The following LRRC58 variants were observed in gnomAD, a reference collection of about 807,000 sequenced individuals.
LRRC58 encodes the protein leucine rich repeat containing 58.
A neutral mutation model predicts 30.6 loss-of-function variants in LRRC58; 18 were observed. That is an observed-to-expected ratio of 0.59 (90% CI 0.41 to 0.87). LRRC58 has a LOEUF of 0.87. Among genes scored for constraint, LRRC58 ranks in the 40% least tolerant of loss-of-function variants. The pLI is 0.00. For missense variants in LRRC58, 420 were observed against 468.4 expected, an observed-to-expected ratio of 0.90 and a Z score of 0.95; for synonymous variants, 221 against 206.0, an observed-to-expected ratio of 1.07 and a Z score of -0.62.
chr3:120,346,571 T>C (rs1270792080), intron 1 of LRRC58, among the ~76,000 whole-genome samples: 1 of 152,168 alleles, frequency 6.6e-6, no homozygotes, highest in Non-Finnish European at 1.5e-5. Flanking sequence ...ATAAATGGGA[T>C]TTTTGCCTAC....
intron 1 of LRRC58, among the ~76,000 whole-genome samples, chr3:120,341,671 TTCC>T (rs1935906224): frequency 6.6e-6 from 1 of 152,164 alleles, no homozygotes; most frequent in South Asian, 2.1e-4. Context: ...GGCAACTTGC[TTCC>T]TCTCTCCATC....
intron 1 of LRRC58, among the ~76,000 whole-genome samples, chr3:120,347,379 C>CTTTTTTTTTTTTTT (rs796116731): frequency 0.029 from 1,577 of 54,792 alleles, 344 homozygotes; most frequent in East Asian, 0.13. Context: ...GGCCAATATT[C>CTTTTTTTTTTTTTT]TTTTTTTTTT....
chr3:120,325,503 G>GTTGTT lies in LRRC58; in HGVS notation c.*5696_*5697insAACAA. 6.6e-6 allele frequency: 1 copy of GTTGTT among 152,134 alleles called. No individual in the cohort carries two copies. The highest frequency in any genetic ancestry group is 1.5e-5 in the Non-Finnish European group (1 of 68,020). The allele number at this position is 152,134 out of a possible 1,614,324, so 9.4% of individuals were successfully genotyped here. ...ATCCTTTACAACAACTATTGAGAAA[G>GTTGTT]ACTAATGTTAGGTAAAAGTCTAGTA... On this transcript the variant is annotated 3_prime_UTR_variant, in exon 4 of 4. Transcript: ENST00000295628.
At chr3:120,341,661 G>A (rs1192605837) in intron 1 of LRRC58, among the ~76,000 whole-genome samples, 1 of 152,160 alleles carries the variant, frequency 6.6e-6, no homozygotes, top group Non-Finnish European at 1.5e-5. Flanking sequence ...GGATTCCCAA[G>A]GCAACTTGCT....
At chr3:120,334,803 C>T in intron 3 of LRRC58, 59 bp downstream of exon 3, 1 of 1,412,502 alleles carries the variant, frequency 7.1e-7, no homozygotes, top group Non-Finnish European at 9.6e-7. Context: ...TGAAAGAAGA[C>T]TTAATTAATT....
In LRRC58 at chr3:120,334,059, G is replaced by T. The variant is rs115883560; in HGVS notation, c.907+803C>A. On this transcript the variant is annotated intron_variant, in intron 3 of 3. Transcript: ENST00000295628. ...ATCATTTGCATAATTCTCTTCAAAT[G>T]CTCTAAACTCAAGACATTTTGAACC... 4.2e-3 allele frequency among the ~76,000 whole-genome samples: 645 copies of T among 152,200 alleles called. 4 individuals carry two copies. The highest frequency in any genetic ancestry group is 7.6e-3 in the Non-Finnish European group (520 of 68,020).
At chr3:120,332,652 T>C (rs1366917637) in intron 3 of LRRC58, among the ~76,000 whole-genome samples, 1 of 152,216 alleles carries the variant, frequency 6.6e-6, no homozygotes, top group Non-Finnish European at 1.5e-5. Flanking sequence ...TCTGAGAATA[T>C]AAAAGTACTT....
intron 3 of LRRC58, among the ~76,000 whole-genome samples, chr3:120,331,829 G>T (rs965574799): frequency 6.6e-6 from 1 of 152,066 alleles, no homozygotes; most frequent in Non-Finnish European, 1.5e-5. Flanking sequence ...ATTAGTATAC[G>T]AAAAATTTTC....
At position 120,335,094 on chromosome 3, in the gene LRRC58, T is replaced by C; in HGVS notation, c.675A>G (p.Thr225=). ...GGTTGAGGATCTCTCGAGGCAGATATGTCAGCAAGTTATTGTGAAGACTTA... is the reference window on the plus strand; with the variant it reads ...GGTTGAGGATCTCTCGAGGCAGATACGTCAGCAAGTTATTGTGAAGACTTA... ...RSLSLHNNLL[T]YLPREILNLI... is the part of the protein sequence containing the mutation. The change falls in exon 3 of 4, where the codon ACA becomes ACG. Residue 225 remains threonine, a synonymous_variant. Coordinates refer to ENST00000295628, the MANE Select transcript of LRRC58 (RefSeq NM_001099678.2). 2 of 1,613,922 alleles carry C rather than the reference T, an allele frequency of 1.2e-6. No homozygotes were observed. The highest frequency in any genetic ancestry group is 1.7e-6 in the Non-Finnish European group (2 of 1,179,828).
At chr3:120,335,503 T>C (rs1310739685) in intron 2 of LRRC58, among the ~76,000 whole-genome samples, 1 of 152,226 alleles carries the variant, frequency 6.6e-6, no homozygotes, top group African/African-American at 2.4e-5. Flanking sequence ...CTTCATATTA[T>C]AAAGCCTAAT....
intron 3 of LRRC58, among the ~76,000 whole-genome samples, chr3:120,333,083 C>T (rs1452662407): frequency 7.3e-6 from 1 of 137,646 alleles, no homozygotes; most frequent in African/African-American, 2.8e-5. Flanking sequence ...TACAGCGAGA[C>T]TCCGTCTCAA....
In LRRC58 at chr3:120,338,887, A is replaced by G. The variant is rs548535305; in HGVS notation, c.501-2934T>C. On this transcript the variant is annotated intron_variant, in intron 1 of 3. Coordinates refer to ENST00000295628, the MANE Select transcript of LRRC58 (RefSeq NM_001099678.2). ...CTATTGAGTGGCAAACAACTGGAGA[A>G]GTGGTTAGGGGAGCACTGTGGGCAG... is the stretch of plus-strand genomic sequence containing the variant. Among the ~76,000 whole-genome samples the G allele has an allele frequency of 5.3e-5, 8 of 152,342 alleles. No homozygotes were observed. The South Asian group carries it at 1.7e-3, about 32-fold the overall frequency.
intron 3 of LRRC58, 88 bp downstream of exon 3, chr3:120,334,774 A>AAC: frequency 8.1e-7 from 1 of 1,230,262 alleles, no homozygotes; most frequent in Non-Finnish European, 1.1e-6. Flanking sequence ...AGGGAACAGA[A>AAC]ACAGAGACTG....
At chr3:120,336,032 C>G (rs59021384) in intron 1 of LRRC58, 79 bp from the exon 2 acceptor site, 1 of 987,818 alleles carries the variant, frequency 1.0e-6, no homozygotes, top group South Asian at 1.6e-5. Context: ...ACAAAAAACA[C>G]GTTTCATCTA....
At position 120,337,906 on chromosome 3, in the gene LRRC58, T is replaced by G. The variant is rs572886888; in HGVS notation, c.501-1953A>C. Among the ~76,000 whole-genome samples, 23 of 152,226 alleles carry G rather than the reference T, an allele frequency of 1.5e-4. No individual in the cohort carries two copies. The East Asian group carries it at 4.4e-3, about 29-fold the overall frequency. On this transcript the variant is annotated intron_variant, in intron 1 of 3. Transcript: ENST00000295628. Reference sequence around the variant, plus strand: ...CAGGCTGGAGTGCACTGGCATGATCTCGGCTCACTGCAACCTCTGCCTCAC... The same window carrying G: ...CAGGCTGGAGTGCACTGGCATGATCGCGGCTCACTGCAACCTCTGCCTCAC...
rs1935682586 is a variant in LRRC58 at position 120,326,887 on chromosome 3, A to C, written c.*4313T>G. The C allele has an allele frequency of 6.6e-6, 1 of 152,202 alleles. No homozygotes were observed. The highest frequency in any genetic ancestry group is 1.5e-5 in the Non-Finnish European group (1 of 68,028). The allele number at this position is 152,202 out of a possible 1,614,324, so 9.4% of individuals were successfully genotyped here. ...CTTTAAAAGACCAAATTTTATTTGC[A>C]CTATTTGCTGTGTGTTTTTTCTTTT... On this transcript the variant is annotated 3_prime_UTR_variant, in exon 4 of 4. Coordinates refer to ENST00000295628, the MANE Select transcript of LRRC58 (RefSeq NM_001099678.2).
chr3:120,334,020 T>C (rs1935797837), intron 3 of LRRC58, among the ~76,000 whole-genome samples: 2 of 152,226 alleles, frequency 1.3e-5, no homozygotes, highest in Non-Finnish European at 2.9e-5. Context: ...GATACTTACC[T>C]GACTCTGCCT....
Position 120,326,011 on chromosome 3 carries a change from G to T in LRRC58, c.*5189C>A, listed in dbSNP as rs1935668389. The T allele has an allele frequency of 6.6e-6, 1 of 152,038 alleles. No homozygotes were observed. The highest frequency in any genetic ancestry group is 6.6e-5 in the Admixed American group (1 of 15,258). The allele number at this position is 152,038 out of a possible 1,614,324, so 9.4% of individuals were successfully genotyped here. A position where few individuals can be genotyped will look rare whatever the true frequency, so the allele number is the denominator to read the frequency against. ...TTTCTCCCTCAAATCAAATGAAAAAGGTAACAAGGCTGTCACAAACAACTT... is the reference window on the plus strand; with the variant it reads ...TTTCTCCCTCAAATCAAATGAAAAATGTAACAAGGCTGTCACAAACAACTT... On this transcript the variant is annotated 3_prime_UTR_variant, in exon 4 of 4. Coordinates refer to ENST00000295628, the MANE Select transcript of LRRC58 (RefSeq NM_001099678.2).
In LRRC58 at chr3:120,335,064, A is replaced by G. The variant is rs776809283; in HGVS notation, c.705T>C (p.Ile235=). Residue 235 remains isoleucine, a synonymous_variant, in exon 3 of 4, where the codon ATT becomes ATC. Coordinates refer to ENST00000295628, the MANE Select transcript of LRRC58 (RefSeq NM_001099678.2). ...TYLPREILNL[I]HLEELSLRGN... is the part of the protein sequence containing the mutation. Reference sequence around the variant, plus strand: ...CTCGTAAACTCAACTCTTCCAAATGAATAAGGTTGAGGATCTCTCGAGGCA... The same window carrying G: ...CTCGTAAACTCAACTCTTCCAAATGGATAAGGTTGAGGATCTCTCGAGGCA... 6.2e-7 allele frequency: 1 copy of G among 1,613,982 alleles called. No homozygotes were observed. The highest frequency in any genetic ancestry group is 1.1e-5 in the South Asian group (1 of 91,082).
Sources: gnomAD v4.1 joint callset for allele counts (sites outside exome capture counted in the v4.1 genomes callset) on GRCh38, gnomAD v4.1.1 for gene constraint, MANE v1.5 for transcripts, NCBI Gene and HGNC (gene_info 2026-07-23, HGNC 2026-07-21) for gene names.